GRIA4: variants seen among roughly 807,000 people sequenced by gnomAD.
GRIA4 encodes glutamate receptor 4.
Under a neutral mutation model 104.0 loss-of-function variants are expected in GRIA4, and 34 were observed. That is an observed-to-expected ratio of 0.33 (90% CI 0.25 to 0.44). GRIA4 has a LOEUF of 0.44. Among genes scored for constraint, GRIA4 ranks in the 20% least tolerant of loss-of-function variants. GRIA4 has a pLI of 1.00. For synonymous variants in GRIA4, 386 were observed against 381.9 expected (o/e 1.01, Z -0.13); for missense variants, 750 against 1,096.5 (o/e 0.68, Z 4.46).
chr11:105,758,268 G>A (rs1352309348), intron 4 of GRIA4, among the ~76,000 whole-genome samples: 1 of 151,612 alleles, frequency 6.6e-6, no homozygotes, highest in Non-Finnish European at 1.5e-5. Context: ...TTTTTGCTTT[G>A]ATAGAGCCCT....
chr11:105,749,855 T>C (rs191355842), intron 3 of GRIA4, among the ~76,000 whole-genome samples: 3 of 152,360 alleles, frequency 2.0e-5, no homozygotes, highest in African/African-American at 7.2e-5. Flanking sequence ...ATTGAAAGTC[T>C]TATTCTGATT....
At chr11:105,612,019 A>G (rs1194057184) in intron 2 of GRIA4, among the ~76,000 whole-genome samples, 1 of 152,128 alleles carries the variant, frequency 6.6e-6, no homozygotes, top group East Asian at 1.9e-4. Context: ...AGGGCAAGGG[A>G]GAGAAAGGAA....
intron 3 of GRIA4, among the ~76,000 whole-genome samples, chr11:105,703,437 T>C (rs529186331): frequency 2.0e-5 from 3 of 152,274 alleles, no homozygotes; most frequent in Admixed American, 1.3e-4. Flanking sequence ...AGGAAATTTA[T>C]GTAGCCATAA....
At chr11:105,777,149 T>C (rs1006392602) in intron 4 of GRIA4, among the ~76,000 whole-genome samples, 2 of 152,188 alleles carry the variant, frequency 1.3e-5, no homozygotes, top group Non-Finnish European at 2.9e-5. Flanking sequence ...GCAATTGAGA[T>C]TATGTAAGTG....
intron 4 of GRIA4, among the ~76,000 whole-genome samples, chr11:105,840,137 A>C (rs1944341079): frequency 6.6e-6 from 1 of 152,250 alleles, no homozygotes; most frequent in Admixed American, 6.5e-5. Context: ...AAGTTATAAC[A>C]GATAATATTA....
intron 4 of GRIA4, among the ~76,000 whole-genome samples, chr11:105,776,849 G>A (rs1316753277): frequency 2.0e-5 from 3 of 152,142 alleles, no homozygotes; most frequent in Non-Finnish European, 4.4e-5. Context: ...AGCACCACCA[G>A]TTTAAAACAA....
intron 3 of GRIA4, among the ~76,000 whole-genome samples, chr11:105,717,951 T>C (rs1954158184): frequency 6.9e-6 from 1 of 145,406 alleles, no homozygotes; most frequent in Non-Finnish European, 1.5e-5. Context: ...TGGATGAAAT[T>C]GGAAATCATC....
intron 4 of GRIA4, among the ~76,000 whole-genome samples, chr11:105,801,190 A>G (rs1282980377): frequency 6.6e-6 from 1 of 151,566 alleles, no homozygotes; most frequent in Non-Finnish European, 1.5e-5. Flanking sequence ...AAAAGGAAGA[A>G]ACTGTATTTA....
chr11:105,840,956 T>C (rs1049055651), intron 4 of GRIA4, among the ~76,000 whole-genome samples: 1 of 152,198 alleles, frequency 6.6e-6, no homozygotes, highest in Non-Finnish European at 1.5e-5. Context: ...TTACCTTCCA[T>C]GACTTAGGGA....
chr11:105,654,253 A>C (rs1386931308), intron 3 of GRIA4, among the ~76,000 whole-genome samples: 1 of 151,658 alleles, frequency 6.6e-6, no homozygotes, highest in African/African-American at 2.4e-5. Flanking sequence ...ATTTCAGTGA[A>C]ATAGGAATAA....
chr11:105,624,325 T>C (rs190200253), intron 3 of GRIA4, among the ~76,000 whole-genome samples: 12 of 152,228 alleles, frequency 7.9e-5, no homozygotes, highest in African/African-American at 2.9e-4. Flanking sequence ...AAAATGCTGA[T>C]ACAAACCACT....
chr11:105,629,541 T>A (rs1272151061), intron 3 of GRIA4, among the ~76,000 whole-genome samples: 3 of 152,268 alleles, frequency 2.0e-5, no homozygotes, highest in Non-Finnish European at 4.4e-5. Context: ...AAAAAGACTA[T>A]ACTCAAATGT....
intron 4 of GRIA4, among the ~76,000 whole-genome samples, chr11:105,818,704 A>G (rs576425175): frequency 1.1e-4 from 16 of 152,264 alleles, no homozygotes; most frequent in South Asian, 4.1e-4. Flanking sequence ...TGGAGAGGGC[A>G]TAATGGGAAC....
At chr11:105,814,791 G>T (rs1034173864) in intron 4 of GRIA4, among the ~76,000 whole-genome samples, 2 of 152,098 alleles carry the variant, frequency 1.3e-5, no homozygotes, top group Admixed American at 1.3e-4. Flanking sequence ...ATCCTGTATA[G>T]CCCTTTCCCT....
intron 3 of GRIA4, among the ~76,000 whole-genome samples, chr11:105,668,652 C>T (rs1188533512): frequency 6.9e-6 from 1 of 145,398 alleles, no homozygotes; most frequent in African/African-American, 2.5e-5. Context: ...TCTCTACATC[C>T]TTGACAACAC....
At chr11:105,884,542 T>C (rs748018713) in intron 5 of GRIA4, among the ~76,000 whole-genome samples, 13 of 152,202 alleles carry the variant, frequency 8.5e-5, no homozygotes, top group Non-Finnish European at 1.5e-4. Flanking sequence ...GTGCAGTACA[T>C]TTGTTTTTTT....
At chr11:105,764,584 A>G (rs1404859897) in intron 4 of GRIA4, among the ~76,000 whole-genome samples, 3 of 152,128 alleles carry the variant, frequency 2.0e-5, no homozygotes, top group African/African-American at 7.2e-5. Flanking sequence ...TTATATCAGA[A>G]AGAGACCCCC....
At chr11:105,630,117 G>C (rs1204095217) in intron 3 of GRIA4, among the ~76,000 whole-genome samples, 1 of 152,090 alleles carries the variant, frequency 6.6e-6, no homozygotes, top group African/African-American at 2.4e-5. Context: ...GCTCCACTTT[G>C]CTATGATCTC....
intron 3 of GRIA4, among the ~76,000 whole-genome samples, chr11:105,616,421 G>A (rs1013968716): frequency 3.6e-4 from 54 of 151,740 alleles, no homozygotes; most frequent in African/African-American, 1.3e-3. Context: ...AAAAGTATAC[G>A]TAAAATAGAG....
Sources: allele counts gnomAD v4.1 joint callset (sites outside exome capture counted in the v4.1 genomes callset), GRCh38; gene constraint gnomAD v4.1.1; transcripts MANE v1.5; gene names NCBI Gene and HGNC (gene_info 2026-07-23, HGNC 2026-07-21).